Variants in KIAA1217 observed in about 807,000 individuals in gnomAD.
KIAA1217 encodes the protein KIAA1217.
KIAA1217 carries 88 observed loss-of-function variants against 163.9 expected under a neutral mutation model. The observed-to-expected ratio is 0.54, with a 90% CI of 0.45 to 0.64. The LOEUF is 0.64. Ranked by LOEUF, KIAA1217 falls within the 30% of genes least tolerant of loss-of-function variation. KIAA1217 has a pLI of 0.00. For missense variants in KIAA1217, 2,372 were observed against 2,475.0 expected (o/e 0.96, Z 0.88); for synonymous variants, 903 against 923.1 (o/e 0.98, Z 0.39).
At chr10:24,419,346 T>C (rs2058547093) in intron 3 of KIAA1217, among the ~76,000 whole-genome samples, 1 of 152,112 alleles carries the variant, frequency 6.6e-6, no homozygotes, top group African/African-American at 2.4e-5. Flanking sequence ...TTTTGTCACT[T>C]TTAAAATGAT....
intron 1 of KIAA1217, among the ~76,000 whole-genome samples, chr10:23,964,893 G>A (rs1215947035): frequency 6.6e-6 from 1 of 152,086 alleles, no homozygotes; most frequent in Non-Finnish European, 1.5e-5. Flanking sequence ...AGACCACTTG[G>A]CCATGCAACC....
In KIAA1217 at chr10:23,855,286, G is replaced by C. The variant is rs541274831; in HGVS notation, c.-320-151939G>C. On this transcript the variant is annotated intron_variant, in intron 1 of 18. Coordinates refer to the KIAA1217 transcript ENST00000376462. Reference sequence around the variant, plus strand: ...TCTTTACTTATGAAGCTTAGTTTGGGTGGATATGAAATTCTGGGTTGAAAA... The same window carrying C: ...TCTTTACTTATGAAGCTTAGTTTGGCTGGATATGAAATTCTGGGTTGAAAA... Among the ~76,000 whole-genome samples the C allele has an allele frequency of 1.2e-3, 176 of 152,128 alleles. 1 individual carries two copies. Among genetic ancestry groups the C allele is most frequent in the African/African-American group, 3.9e-3 (162 of 41,510 alleles).
At chr10:23,958,320 A>G (rs925262013) in intron 1 of KIAA1217, among the ~76,000 whole-genome samples, 1 of 152,186 alleles carries the variant, frequency 6.6e-6, no homozygotes, top group African/African-American at 2.4e-5. Context: ...ACTGGGTTGA[A>G]AGATGGCTTT....
intron 1 of KIAA1217, among the ~76,000 whole-genome samples, chr10:23,758,686 C>CTTTTTTTTTTTTTTT (rs34055872): frequency 2.0e-4 from 12 of 59,844 alleles, no homozygotes; most frequent in Non-Finnish European, 2.8e-4. Flanking sequence ...TTCTTTCTTT[C>CTTTTTTTTTTTTTTT]TTTTTTTTTT....
chr10:24,142,520 G>A (rs1259291890), intron 2 of KIAA1217, among the ~76,000 whole-genome samples: 1 of 152,114 alleles, frequency 6.6e-6, no homozygotes, highest in Non-Finnish European at 1.5e-5. Flanking sequence ...CTATTCGAGT[G>A]ATGAGTGCAC....
chr10:24,390,501 G>A (rs960541027), intron 3 of KIAA1217, among the ~76,000 whole-genome samples: 23 of 143,516 alleles, frequency 1.6e-4, no homozygotes, highest in South Asian at 4.7e-4. Flanking sequence ...AGGAAGGAAG[G>A]AAGGAAGGAA....
At chr10:23,776,353 TATA>T (rs1030908600) in intron 1 of KIAA1217, among the ~76,000 whole-genome samples, 102 of 151,112 alleles carry the variant, frequency 6.7e-4, no homozygotes, top group African/African-American at 2.3e-3. Flanking sequence ...TATATATATA[TATA>T]TATTTACAAT....
At chr10:24,061,323 T>G (rs2060713681) in intron 2 of KIAA1217, among the ~76,000 whole-genome samples, 1 of 152,192 alleles carries the variant, frequency 6.6e-6, no homozygotes, top group South Asian at 2.1e-4. Context: ...ATGTCACAAT[T>G]TTTATCTATT....
chr10:24,307,891 A>C (rs139739516), intron 2 of KIAA1217, among the ~76,000 whole-genome samples: 3 of 152,362 alleles, frequency 2.0e-5, no homozygotes, highest in African/African-American at 7.2e-5. Flanking sequence ...ATAGCTGCCA[A>C]AATAACTGCT....
At chr10:23,808,314 G>C (rs1200584079) in intron 1 of KIAA1217, among the ~76,000 whole-genome samples, 1 of 152,112 alleles carries the variant, frequency 6.6e-6, no homozygotes, top group African/African-American at 2.4e-5. Context: ...AACACAGAGG[G>C]AATTAGGCCC....
intron 1 of KIAA1217, among the ~76,000 whole-genome samples, chr10:23,806,152 G>A (rs777137901): frequency 1.3e-5 from 2 of 152,034 alleles, no homozygotes; most frequent in Non-Finnish European, 2.9e-5. Flanking sequence ...CTTAGATATT[G>A]AGGGATGTGT....
intron 1 of KIAA1217, among the ~76,000 whole-genome samples, chr10:23,941,489 A>G (rs887939693): frequency 2.0e-5 from 3 of 152,192 alleles, no homozygotes; most frequent in South Asian, 2.1e-4. Context: ...CACTTTTTCC[A>G]TAAGGCTACC....
At chr10:24,062,580 A>G (rs1258991794) in intron 2 of KIAA1217, among the ~76,000 whole-genome samples, 2 of 151,136 alleles carry the variant, frequency 1.3e-5, no homozygotes, top group African/African-American at 4.9e-5. Context: ...GCTATTGTGA[A>G]TAGTGCCGTA....
chr10:23,756,847 C>T (rs1404638719), intron 1 of KIAA1217, among the ~76,000 whole-genome samples: 1 of 152,096 alleles, frequency 6.6e-6, no homozygotes, highest in Non-Finnish European at 1.5e-5. Context: ...GTTTGGTGAC[C>T]ATCACCACAG....
rs536200925 is a variant in KIAA1217 at position 24,221,024 on chromosome 10, G to A, written c.354+1115G>A. Among the ~76,000 whole-genome samples the A allele has an allele frequency of 3.1e-4, 47 of 152,220 alleles. No homozygotes were observed. In the South Asian group the frequency reaches 9.5e-3, roughly 31 times the overall value. On this transcript the variant is annotated intron_variant, in intron 2 of 20. Coordinates refer to ENST00000376454, the MANE Select transcript of KIAA1217 (RefSeq NM_019590.5). ...GATCCTCCTGCTTCTGTCTCCCAAA[G>A]TACTAGAATTACAGGCATGAACCAC... is the stretch of plus-strand genomic sequence containing the variant.
intron 1 of KIAA1217, among the ~76,000 whole-genome samples, chr10:23,863,050 A>G (rs916355667): frequency 6.6e-6 from 1 of 151,882 alleles, no homozygotes; most frequent in African/African-American, 2.4e-5. Flanking sequence ...CCATTCTGAA[A>G]TTTTCTTCAT....
intron 1 of KIAA1217, among the ~76,000 whole-genome samples, chr10:23,957,001 C>T (rs1365134618): frequency 6.6e-6 from 1 of 152,142 alleles, no homozygotes; most frequent in Non-Finnish European, 1.5e-5. Context: ...TTCCAGTTGC[C>T]ACCCATGACT....
Position 24,436,176 on chromosome 10 carries a change from A to G in KIAA1217, c.753-2210A>G, listed in dbSNP as rs570803670. Among the ~76,000 whole-genome samples the G allele has an allele frequency of 6.8e-4, 103 of 152,158 alleles. 1 individual carries two copies. Among genetic ancestry groups the G allele is most frequent in the African/African-American group, 2.4e-3 (99 of 41,520 alleles). ...GCTCCCAGCTTGATAGCCTAAAGTT[A>G]TTTTTAAAAAACTCTCATTTAAAAT... On this transcript the variant is annotated intron_variant, in intron 4 of 20. Coordinates refer to ENST00000376454, the MANE Select transcript of KIAA1217 (RefSeq NM_019590.5).
rs116222651 is a variant in KIAA1217, at chr10:24,120,226, A to G, written c.-170-99400A>G. Among the ~76,000 whole-genome samples the G allele has an allele frequency of 5.0e-3, 757 of 152,328 alleles. 3 individuals carry two copies. Among genetic ancestry groups the G allele is most frequent in the African/African-American group, 0.017 (727 of 41,570 alleles). ...TTTAAATTTCCCCTACATGTTGTGT[A>G]GTAACTAGATGTAGTCCAAGGGTAA... On this transcript the variant is annotated intron_variant, in intron 2 of 18. Transcript: ENST00000376462.
Sources: allele counts gnomAD v4.1 joint callset (sites outside exome capture counted in the v4.1 genomes callset), GRCh38; gene constraint gnomAD v4.1.1; transcripts MANE v1.5; gene names NCBI Gene and HGNC (gene_info 2026-07-23, HGNC 2026-07-21).